Variants in LDB2 observed in about 807,000 individuals in gnomAD.
LDB2 encodes LIM domain binding 2, also known as LIM domain-binding protein 2.
A neutral mutation model predicts 44.3 loss-of-function variants in LDB2; 12 were observed. The observed-to-expected ratio is 0.27, with a 90% CI of 0.17 to 0.44. The LOEUF is 0.44. Ranked by LOEUF, LDB2 falls within the 20% of genes least tolerant of loss-of-function variation. The pLI, the probability that LDB2 is intolerant of heterozygous loss-of-function variation, is 1.00. For missense variants in LDB2, 344 were observed against 473.5 expected, an observed-to-expected ratio of 0.73 and a Z score of 2.54; for synonymous variants, 164 against 174.8, an observed-to-expected ratio of 0.94 and a Z score of 0.49.
At chr4:16,671,662 G>A (rs1744802890) in intron 2 of LDB2, among the ~76,000 whole-genome samples, 1 of 152,148 alleles carries the variant, frequency 6.6e-6, no homozygotes, top group South Asian at 2.1e-4. Flanking sequence ...TTCGGAGTCA[G>A]AAGGGGCCAG....
chr4:16,780,703 G>A (rs1358192979), intron 1 of LDB2, among the ~76,000 whole-genome samples: 1 of 151,150 alleles, frequency 6.6e-6, no homozygotes, highest in Non-Finnish European at 1.5e-5. Context: ...TTCGCTCTGT[G>A]TTGGGTATTT....
Position 16,819,092 on chromosome 4 carries a change from TTGTGTGTG to T in LDB2, c.133-59840_133-59833del, listed in dbSNP as rs34553159. ...AATCTTTCGTTTCAGTTGTGGTTGC[TTGTGTGTG>T]TGTGTGTGTGTGTGTGTGTGTGTGT... On this transcript the variant is annotated intron_variant, in intron 1 of 7. Transcript: ENST00000304523. 3.4e-3 allele frequency among the ~76,000 whole-genome samples: 499 copies of T among 148,934 alleles called. 4 individuals are homozygous for T. The highest frequency in any genetic ancestry group is 0.027 in the East Asian group (136 of 5,084).
intron 1 of LDB2, among the ~76,000 whole-genome samples, chr4:16,779,344 C>T (rs1026264653): frequency 1.3e-5 from 2 of 152,178 alleles, no homozygotes; most frequent in African/African-American, 4.8e-5. Flanking sequence ...CATCTAAAAC[C>T]TTTTATGGCT....
At chr4:16,719,546 G>A (rs1029111634) in intron 2 of LDB2, among the ~76,000 whole-genome samples, 6 of 152,060 alleles carry the variant, frequency 3.9e-5, no homozygotes, top group African/African-American at 4.8e-5. Context: ...ATGCTAAAGT[G>A]TCTTAGAATC....
intron 1 of LDB2, among the ~76,000 whole-genome samples, chr4:16,806,645 T>A (rs80200078): frequency 0.012 from 1,874 of 151,492 alleles, 35 homozygotes; most frequent in African/African-American, 0.043. Flanking sequence ...GGCTAACATG[T>A]TTCTGATCTG....
At chr4:16,826,778 C>A (rs1783130702) in intron 1 of LDB2, among the ~76,000 whole-genome samples, 1 of 149,446 alleles carries the variant, frequency 6.7e-6, no homozygotes. Context: ...CTCTTTTCAA[C>A]AAGCTTAAAC....
At chr4:16,562,091 C>T (rs1279603374) in intron 5 of LDB2, among the ~76,000 whole-genome samples, 1 of 152,242 alleles carries the variant, frequency 6.6e-6, no homozygotes, top group African/African-American at 2.4e-5. Context: ...AAGACTTAAA[C>T]GTTAGATCTA....
intron 2 of LDB2, among the ~76,000 whole-genome samples, chr4:16,656,185 C>T (rs75630810): frequency 0.054 from 8,148 of 152,258 alleles, 367 homozygotes; most frequent in East Asian, 0.21. Flanking sequence ...CAGGCGTGAG[C>T]CACCGCACCT....
chr4:16,708,191 T>C (rs1419641395), intron 2 of LDB2, among the ~76,000 whole-genome samples: 1 of 152,074 alleles, frequency 6.6e-6, no homozygotes, highest in African/African-American at 2.4e-5. Flanking sequence ...TACAAAATGG[T>C]CAGCCCAGCA....
intron 2 of LDB2, among the ~76,000 whole-genome samples, chr4:16,719,541 A>G (rs1757803881): frequency 1.3e-5 from 2 of 152,098 alleles, no homozygotes; most frequent in Non-Finnish European, 2.9e-5. Flanking sequence ...TGAAGATGCT[A>G]AAGTGTCTTA....
intron 5 of LDB2, among the ~76,000 whole-genome samples, chr4:16,519,583 G>C (rs112614515): frequency 4.7e-5 from 7 of 150,430 alleles, no homozygotes; most frequent in African/African-American, 1.7e-4. Flanking sequence ...AAACTTGGGG[G>C]TTTGAACCCA....
At chr4:16,796,915 G>A (rs967301129) in intron 1 of LDB2, among the ~76,000 whole-genome samples, 8 of 152,090 alleles carry the variant, frequency 5.3e-5, no homozygotes, top group African/African-American at 1.9e-4. Context: ...AAACATTCAT[G>A]GTTAACAAAC....
intron 2 of LDB2, among the ~76,000 whole-genome samples, chr4:16,640,277 A>G (rs544092423): frequency 1.1e-4 from 16 of 152,340 alleles, no homozygotes; most frequent in Non-Finnish European, 2.1e-4. Flanking sequence ...ATGAACTAAT[A>G]GTTTTTTGGT....
chr4:16,602,465 C>A (rs1722830222), intron 2 of LDB2, among the ~76,000 whole-genome samples: 1 of 152,082 alleles, frequency 6.6e-6, no homozygotes, highest in Admixed American at 6.5e-5. Context: ...TCAAAGAGAA[C>A]AAGATGATAG....
chr4:16,678,524 A>G (rs1746917085), intron 2 of LDB2, among the ~76,000 whole-genome samples: 2 of 152,116 alleles, frequency 1.3e-5, no homozygotes, highest in Non-Finnish European at 2.9e-5. Context: ...TTGGGATTCT[A>G]AGTGGAGTGA....
Position 16,839,652 on chromosome 4 carries a change from A to ATAAGTAG in LDB2, c.132+58701_132+58702insCTACTTA, listed in dbSNP as rs369031222. Among the ~76,000 whole-genome samples, 311 of 152,314 alleles carry ATAAGTAG rather than the reference A, an allele frequency of 2.0e-3. 4 individuals are homozygous for ATAAGTAG. The East Asian group carries it at 0.036, about 17-fold the overall frequency. On this transcript the variant is annotated intron_variant, in intron 1 of 7. Coordinates refer to ENST00000304523, the MANE Select transcript of LDB2 (RefSeq NM_001290.5). Reference sequence around the variant, plus strand: ...TCAAGAGTTAAGGAATTTGCCCAAGAGGATGGGCAGCTAATTAATGGTAGA... The same window carrying ATAAGTAG: ...TCAAGAGTTAAGGAATTTGCCCAAGATAAGTAGGGATGGGCAGCTAATTAATGGTAGA...
chr4:16,542,919 C>A, intron 5 of LDB2, among the ~76,000 whole-genome samples: 1 of 96,724 alleles, frequency 1.0e-5, no homozygotes, highest in South Asian at 4.6e-4. Flanking sequence ...TGCTATCCCT[C>A]CCCCCTCCCC....
intron 5 of LDB2, among the ~76,000 whole-genome samples, chr4:16,552,021 C>G (rs890815730): frequency 2.6e-5 from 4 of 151,988 alleles, no homozygotes; most frequent in African/African-American, 9.7e-5. Flanking sequence ...CAAATATTTG[C>G]TGAGCCTCTA....
At chr4:16,514,564 G>C (rs1354917484) in intron 5 of LDB2, among the ~76,000 whole-genome samples, 1 of 152,168 alleles carries the variant, frequency 6.6e-6, no homozygotes, top group Non-Finnish European at 1.5e-5. Flanking sequence ...TTCTTCAGTT[G>C]TTTGTACCTA....
Sources: gnomAD v4.1 joint callset for allele counts (sites outside exome capture counted in the v4.1 genomes callset) on GRCh38, gnomAD v4.1.1 for gene constraint, MANE v1.5 for transcripts, NCBI Gene and HGNC (gene_info 2026-07-23, HGNC 2026-07-21) for gene names.